DDX60: variants seen among roughly 807,000 people sequenced by gnomAD.
DDX60 encodes the protein DExD/H-box helicase 60.
In DDX60, 165 loss-of-function variants were observed where a neutral mutation model predicts 212.8. That is an observed-to-expected ratio of 0.78 (90% CI 0.68 to 0.88). The LOEUF (loss-of-function observed/expected upper bound fraction) is 0.88, where lower values mean the gene tolerates loss of function less well. Ranked by LOEUF, DDX60 falls within the 40% of genes least tolerant of loss-of-function variation. The probability of loss-of-function intolerance (pLI) is 0.00; values close to 1 mark genes in which losing one functional copy is unlikely to be tolerated. For missense variants in DDX60, 1,905 were observed against 2,003.9 expected (o/e 0.95, Z 0.94); for synonymous variants, 703 against 685.3 (o/e 1.03, Z -0.40).
chr4:168,234,219 C>T (rs372157647), intron 33 of DDX60, among the ~76,000 whole-genome samples: 1 of 152,032 alleles, frequency 6.6e-6, no homozygotes, highest in Admixed American at 6.6e-5. Flanking sequence ...AAGTTGACTA[C>T]GGTTTTAAAA....
intron 6 of DDX60, among the ~76,000 whole-genome samples, chr4:168,297,846 G>A (rs1381790197): frequency 3.9e-5 from 6 of 151,960 alleles, no homozygotes; most frequent in South Asian, 2.1e-4. Flanking sequence ...TGCTGTGATC[G>A]TGTCACTGCA....
intron 33 of DDX60, 27 bp from the exon 34 acceptor site, chr4:168,225,703 A>G: frequency 6.2e-7 from 1 of 1,601,224 alleles, no homozygotes; most frequent in Non-Finnish European, 8.5e-7. Context: ...TTTCATAGAG[A>G]TAGATCTATT....
chr4:168,264,839 T>C (rs1311060891), intron 22 of DDX60, among the ~76,000 whole-genome samples: 1 of 152,198 alleles, frequency 6.6e-6, no homozygotes, highest in Non-Finnish European at 1.5e-5. Flanking sequence ...CAGTGACTAA[T>C]GATCCTGCAA....
At position 168,307,994 on chromosome 4, in the gene DDX60, C is replaced by T; in HGVS notation, c.264+12G>A. The T allele has an allele frequency of 2.0e-6, 3 of 1,535,468 alleles. No individual in the cohort carries two copies. Among genetic ancestry groups the T allele is most frequent in the Non-Finnish European group, 1.7e-6 (2 of 1,150,850 alleles). ...TCTCATATTATAAAAAAGAACTCAACTATCATGTTACCTTGAAGAAAACTA... is the reference window on the plus strand; with the variant it reads ...TCTCATATTATAAAAAAGAACTCAATTATCATGTTACCTTGAAGAAAACTA... On this transcript the variant is annotated intron_variant, in intron 4 of 37. Transcript: ENST00000393743.
chr4:168,227,214 T>TC (rs1360574853), intron 33 of DDX60, among the ~76,000 whole-genome samples: 1 of 151,582 alleles, frequency 6.6e-6, no homozygotes, highest in Non-Finnish European at 1.5e-5. Flanking sequence ...GGGAATGTTT[T>TC]TTTTTTTTTA....
intron 6 of DDX60, among the ~76,000 whole-genome samples, chr4:168,300,539 C>CA (rs919768705): frequency 9.8e-5 from 14 of 142,700 alleles, no homozygotes; most frequent in East Asian, 4.1e-4. Flanking sequence ...GACTCTGTCT[C>CA]AAAAAAAAAA....
chr4:168,262,238 G>T, intron 23 of DDX60, 110 bp from the exon 24 acceptor site: 1 of 1,235,628 alleles, frequency 8.1e-7, no homozygotes, highest in Non-Finnish European at 1.1e-6. Context: ...GCACAGAGAT[G>T]GTTAAACTTT....
At chr4:168,265,381 T>C (rs536888069) in intron 22 of DDX60, 1 of 152,356 alleles carries the variant, frequency 6.6e-6, no homozygotes, top group African/African-American at 2.4e-5. Flanking sequence ...AAGGTCTCTT[T>C]GGTTTTTATC....
intron 19 of DDX60, among the ~76,000 whole-genome samples, chr4:168,269,186 C>T: frequency 6.6e-6 from 1 of 152,296 alleles, no homozygotes; most frequent in Non-Finnish European, 1.5e-5. Context: ...CAATGCATTT[C>T]TCTTCATGTC....
At chr4:168,224,129 ATTT>A (rs536149477) in intron 35 of DDX60, 111 bp downstream of exon 35, 2 of 1,057,306 alleles carry the variant, frequency 1.9e-6, no homozygotes, top group East Asian at 5.4e-5. Flanking sequence ...ATACACCCAG[ATTT>A]TTTTTTTCCT....
chr4:168,252,204 T>G (rs1309612752), intron 27 of DDX60, among the ~76,000 whole-genome samples: 2 of 152,174 alleles, frequency 1.3e-5, no homozygotes, highest in Admixed American at 1.3e-4. Context: ...AGGTGAACTG[T>G]TAACAGGCAA....
chr4:168,257,148 C>T (rs1417092245), intron 25 of DDX60, among the ~76,000 whole-genome samples: 1 of 152,094 alleles, frequency 6.6e-6, no homozygotes, highest in Admixed American at 6.5e-5. Flanking sequence ...AACACAGTGA[C>T]ACAGAATTCA....
chr4:168,261,971 A>C, intron 24 of DDX60, 29 bp downstream of exon 24: 2 of 1,568,072 alleles, frequency 1.3e-6, no homozygotes, highest in Non-Finnish European at 1.7e-6. Flanking sequence ...ACAAAAATAA[A>C]GTTTGGCCAA....
intron 6 of DDX60, among the ~76,000 whole-genome samples, chr4:168,297,303 AAAGAAAGAAAGAAAG>A (rs1736402699): frequency 1.5e-4 from 2 of 13,098 alleles, no homozygotes; most frequent in African/African-American, 8.3e-4. Flanking sequence ...GAGACGAAAG[AAAGAAAGAAAGAAAG>A]AAAGAAAGAA....
At chr4:168,244,179 G>A (rs4608760) in intron 30 of DDX60, among the ~76,000 whole-genome samples, 1 of 152,086 alleles carries the variant, frequency 6.6e-6, no homozygotes, top group African/African-American at 2.4e-5. Context: ...GGGTTGATAG[G>A]TGCAGCAAAC....
intron 6 of DDX60, among the ~76,000 whole-genome samples, chr4:168,299,139 G>A (rs1173122908): frequency 1.2e-4 from 15 of 122,808 alleles, no homozygotes; most frequent in Non-Finnish European, 1.9e-4. Flanking sequence ...CTGGCCTGGC[G>A]ACAGAGCGAG....
At chr4:168,246,673 T>A (rs1734034901) in intron 29 of DDX60, 55 bp from the exon 30 acceptor site, 1 of 1,574,278 alleles carries the variant, frequency 6.4e-7, no homozygotes, top group Non-Finnish European at 8.7e-7. Flanking sequence ...TCTACTGCCA[T>A]AGTGTAAGAA....
rs942681156 is a variant in DDX60 at position 168,216,758 on chromosome 4, C to T, written c.*175G>A. 4.4e-5 allele frequency: 22 copies of T among 499,190 alleles called. No individual in the cohort carries two copies. Among genetic ancestry groups the T allele is most frequent in the Non-Finnish European group, 7.7e-5 (22 of 287,550 alleles). The allele number at this position is 499,190 out of a possible 1,614,324, so 30.9% of individuals were successfully genotyped here. A position where few individuals can be genotyped will look rare whatever the true frequency, so the allele number is the denominator to read the frequency against. On this transcript the variant is annotated 3_prime_UTR_variant, in exon 38 of 38. Transcript: ENST00000393743. ...TAATTTGTGAGTATTCATGACAGAA[C>T]ATGGCAGGTTTGATTGCAACTCTGT...
chr4:168,270,228 T>G (rs1735030992), intron 19 of DDX60, among the ~76,000 whole-genome samples: 1 of 152,202 alleles, frequency 6.6e-6, no homozygotes, highest in African/African-American at 2.4e-5. Context: ...AATGAACGGA[T>G]GAGCAAATCA....
Sources: gnomAD v4.1 joint callset for allele counts (sites outside exome capture counted in the v4.1 genomes callset) on GRCh38, gnomAD v4.1.1 for gene constraint, MANE v1.5 for transcripts, NCBI Gene and HGNC (gene_info 2026-07-23, HGNC 2026-07-21) for gene names.